Variants in KLF12 observed in about 807,000 individuals in gnomAD.
KLF12 encodes the protein KLF transcription factor 12, also known as Krueppel-like factor 12.
In KLF12, 9 loss-of-function variants were observed where a neutral mutation model predicts 37.8. The ratio of observed to expected loss-of-function variants is 0.24; its 90% CI spans 0.14 to 0.42. The LOEUF (loss-of-function observed/expected upper bound fraction) is 0.42. Among genes scored for constraint, KLF12 ranks in the 10% least tolerant of loss-of-function variants. The pLI is 1.00. For missense variants in KLF12, 411 were observed against 516.0 expected, an observed-to-expected ratio of 0.80 and a Z score of 1.97; for synonymous variants, 208 against 202.1, an observed-to-expected ratio of 1.03 and a Z score of -0.25.
chr13:73,813,954 G>C (rs1214233925), intron 4 of KLF12, among the ~76,000 whole-genome samples: 2 of 152,202 alleles, frequency 1.3e-5, no homozygotes, highest in East Asian at 3.9e-4. Context: ...CTCCAATCGT[G>C]AATTTGCCAA....
chr13:73,771,072 C>T (rs1000211128), intron 5 of KLF12, among the ~76,000 whole-genome samples: 3 of 152,144 alleles, frequency 2.0e-5, no homozygotes, highest in Non-Finnish European at 4.4e-5. Context: ...AGATGTTCTC[C>T]TCTCTCCCTG....
chr13:73,795,644 C>A (rs940853594), intron 5 of KLF12, among the ~76,000 whole-genome samples: 3 of 152,240 alleles, frequency 2.0e-5, no homozygotes, highest in Admixed American at 6.5e-5. Flanking sequence ...AATACCTGGG[C>A]ACTTTACAAG....
intron 1 of KLF12, among the ~76,000 whole-genome samples, chr13:74,129,554 A>ACAG (rs1485924484): frequency 1.3e-5 from 2 of 152,212 alleles, no homozygotes; most frequent in Admixed American, 1.3e-4. Context: ...ATGCAGCAGT[A>ACAG]CAGCAGTAAG....
chr13:74,157,709 C>T, the KLF12 span, among the ~76,000 whole-genome samples: 3 of 152,198 alleles, frequency 2.0e-5, no homozygotes, highest in Non-Finnish European at 2.9e-5. Flanking sequence ...TCCTCAAATG[C>T]TGAAGAGAGA....
chr13:73,777,962 T>C (rs915920655), intron 5 of KLF12, among the ~76,000 whole-genome samples: 2 of 151,520 alleles, frequency 1.3e-5, no homozygotes, highest in Non-Finnish European at 2.9e-5. Context: ...TGAAATGCCA[T>C]CTCTACCAAG....
chr13:73,738,961 G>A (rs903685094), intron 6 of KLF12, among the ~76,000 whole-genome samples: 9 of 152,086 alleles, frequency 5.9e-5, no homozygotes, highest in Non-Finnish European at 1.0e-4. Flanking sequence ...TTGGCTGGGC[G>A]TAGTGGCTCA....
At chr13:74,268,684 G>A in the KLF12 span, among the ~76,000 whole-genome samples, 96 of 152,262 alleles carry the variant, frequency 6.3e-4, no homozygotes, top group African/African-American at 2.2e-3. Flanking sequence ...CGAGTCTGGA[G>A]AAGAAGGGTG....
At chr13:73,826,329 T>G (rs1883842666) in intron 4 of KLF12, among the ~76,000 whole-genome samples, 1 of 152,132 alleles carries the variant, frequency 6.6e-6, no homozygotes, top group Non-Finnish European at 1.5e-5. Flanking sequence ...ATCTTGAAAA[T>G]CATTTCTTCC....
intron 1 of KLF12, among the ~76,000 whole-genome samples, chr13:74,108,074 C>T (rs1876754160): frequency 1.3e-5 from 2 of 152,142 alleles, no homozygotes; most frequent in African/African-American, 4.8e-5. Flanking sequence ...TTCACTGTGG[C>T]ATTATTCATC....
chr13:74,272,874 G>A, the KLF12 span, among the ~76,000 whole-genome samples: 1 of 152,116 alleles, frequency 6.6e-6, no homozygotes, highest in Non-Finnish European at 1.5e-5. Context: ...TGGTATGCTA[G>A]GTACCTGGTA....
chr13:74,040,698 C>T (rs1278065339), intron 1 of KLF12, among the ~76,000 whole-genome samples: 1 of 152,200 alleles, frequency 6.6e-6, no homozygotes, highest in Non-Finnish European at 1.5e-5. Flanking sequence ...AGGGAGTCAT[C>T]CCCTCTGCTT....
the KLF12 span, among the ~76,000 whole-genome samples, chr13:74,283,026 A>G: frequency 6.6e-6 from 1 of 152,218 alleles, no homozygotes; most frequent in East Asian, 1.9e-4. Context: ...GTAATGATGT[A>G]GCAAGAATGT....
At chr13:74,074,477 C>G (rs572760926) in intron 1 of KLF12, among the ~76,000 whole-genome samples, 1 of 152,230 alleles carries the variant, frequency 6.6e-6, no homozygotes, top group African/African-American at 2.4e-5. Context: ...CTGATCTTAC[C>G]CAAAACTCCA....
the KLF12 span, among the ~76,000 whole-genome samples, chr13:74,220,920 A>G: frequency 6.9e-4 from 105 of 152,088 alleles, no homozygotes; most frequent in Non-Finnish European, 1.0e-3. Flanking sequence ...AAAATATTTC[A>G]TCTCAATTTT....
intron 4 of KLF12, among the ~76,000 whole-genome samples, chr13:73,827,364 A>AT (rs1412403216): frequency 6.6e-6 from 1 of 152,206 alleles, no homozygotes; most frequent in African/African-American, 2.4e-5. Flanking sequence ...TTACACTCAC[A>AT]TTAGTATGTG....
At chr13:73,923,461 T>G (rs1889221900) in intron 3 of KLF12, among the ~76,000 whole-genome samples, 1 of 152,194 alleles carries the variant, frequency 6.6e-6, no homozygotes, top group African/African-American at 2.4e-5. Flanking sequence ...CTAAGCAATT[T>G]CAGCTACTAA....
At chr13:73,976,462 T>G (rs1201501503) in intron 2 of KLF12, among the ~76,000 whole-genome samples, 1 of 152,126 alleles carries the variant, frequency 6.6e-6, no homozygotes, top group African/African-American at 2.4e-5. Flanking sequence ...AGAAACATGA[T>G]GAACTTCCCT....
Position 73,756,046 on chromosome 13 carries a change from C to T in KLF12, c.869+8892G>A, listed in dbSNP as rs1169205830. Among the ~76,000 whole-genome samples the T allele has an allele frequency of 3.9e-5, 6 of 152,152 alleles. No individual in the cohort carries two copies. In the East Asian group the frequency reaches 7.7e-4, roughly 20 times the overall value. On this transcript the variant is annotated intron_variant, in intron 6 of 7. Transcript: ENST00000377669. ...GGTTGCATATTTTTGCAATTGCAAA[C>T]TGTGAAGCACTTTCTTTCAAGGTGA... is the stretch of plus-strand genomic sequence containing the variant.
Position 73,746,015 on chromosome 13 carries a change from A to G in KLF12, c.869+18923T>C, listed in dbSNP as rs553311035. Among the ~76,000 whole-genome samples, 43 of 152,136 alleles carry G rather than the reference A, an allele frequency of 2.8e-4. 1 individual carries two copies. The highest frequency in any genetic ancestry group is 1.0e-3 in the African/African-American group (42 of 41,522). Reference sequence around the variant, plus strand: ...CCAGAGAGAAATCAGCATTCTAATGACATTTCACAACGGTGTGGCACCTGG... The same window carrying G: ...CCAGAGAGAAATCAGCATTCTAATGGCATTTCACAACGGTGTGGCACCTGG... On this transcript the variant is annotated intron_variant, in intron 6 of 7. Coordinates refer to ENST00000377669, the MANE Select transcript of KLF12 (RefSeq NM_007249.5).
Sources: gnomAD v4.1 joint callset for allele counts (sites outside exome capture counted in the v4.1 genomes callset) on GRCh38, gnomAD v4.1.1 for gene constraint, MANE v1.5 for transcripts, NCBI Gene and HGNC (gene_info 2026-07-23, HGNC 2026-07-21) for gene names.